The following CLPTM1 variants were observed in gnomAD, a reference collection of about 807,000 sequenced individuals.
CLPTM1 encodes the protein CLPTM1 regulator of GABA type A receptor forward trafficking.
CLPTM1 carries 21 observed loss-of-function variants against 77.3 expected under a neutral mutation model. That is an observed-to-expected ratio of 0.27 (90% CI 0.19 to 0.39). CLPTM1 has a LOEUF of 0.39. CLPTM1 is among the 10% of genes least tolerant of loss of function. CLPTM1 has a pLI of 1.00. For synonymous variants in CLPTM1, 373 were observed against 381.0 expected (o/e 0.98, Z 0.24); for missense variants, 642 against 921.2 (o/e 0.70, Z 3.92).
chr19:44,985,222 C>G lies in CLPTM1; in HGVS notation c.591C>G (p.Ile197Met), dbSNP rs1970959271. The change falls in exon 6 of 14, where the codon ATC (isoleucine) becomes ATG (methionine). Residue 197 changes from isoleucine to methionine, a missense_variant. Around this residue, in one of 2 missense-constraint regions of CLPTM1, gnomAD observed 521 missense variants for 800.4 expected, o/e 0.65. Transcript: ENST00000337392. ...TTTCCCACCTCCCAACCACAGTGAT[C>G]AACAAATACAAGCGCAGACGATTTC... ...RLATVHMSRM[I>M]NKYKRRRFQK... 1.2e-6 allele frequency: 2 copies of G among 1,613,258 alleles called. No homozygotes were observed. Among genetic ancestry groups the G allele is most frequent in the African/African-American group, 1.3e-5 (1 of 74,880 alleles).
In CLPTM1 at chr19:44,992,581, G is replaced by A. The variant is rs201557502; in HGVS notation, c.1724-30G>A. The A allele has an allele frequency of 8.1e-6, 13 of 1,611,394 alleles. No individual in the cohort carries two copies. The highest frequency in any genetic ancestry group is 2.7e-5 in the African/African-American group (2 of 74,988). On this transcript the variant is annotated intron_variant, in intron 13 of 13. Transcript: ENST00000337392. The surrounding 1 kb of genome is among the most constrained non-coding windows in gnomAD (Gnocchi z 7.7). ...CACCTGGCTGTGGACGGGCCAGCCC[G>A]ACCTCACACTGCCTCCCACCCCTCT...
chr19:44,974,854 C>T (rs552402152), intron 4 of CLPTM1, among the ~76,000 whole-genome samples: 15 of 152,350 alleles, frequency 9.8e-5, no homozygotes, highest in African/African-American at 3.4e-4. Context: ...CAGTCCTCCA[C>T]TTTAAACTGG....
chr19:44,974,159 C>T (rs1396426337), intron 3 of CLPTM1, among the ~76,000 whole-genome samples: 3 of 152,038 alleles, frequency 2.0e-5, no homozygotes. Flanking sequence ...GGAGATCATT[C>T]AGGGAGCTCC....
In CLPTM1 at chr19:44,992,989, G is replaced by A. The variant is rs1187706781; in HGVS notation, c.*92G>A. The A allele has an allele frequency of 2.7e-6, 4 of 1,468,052 alleles. No individual in the cohort carries two copies. In the South Asian group the frequency reaches 3.6e-5, roughly 13 times the overall value. The allele number at this position is 1,468,052 out of a possible 1,614,324, so 90.9% of individuals were successfully genotyped here. A position where few individuals can be genotyped will look rare whatever the true frequency, so the allele number is the denominator to read the frequency against. On this transcript the variant is annotated 3_prime_UTR_variant, in exon 14 of 14. Transcript: ENST00000337392. This position sits in a 1 kb window ranked among gnomAD's most constrained non-coding sequence, Gnocchi z 7.7. ...TCCCCTCCCTGTCGCCCTTTCCCTGGACAGATCAGGCCGGGGCGGTGGGAG... is the reference window on the plus strand; with the variant it reads ...TCCCCTCCCTGTCGCCCTTTCCCTGAACAGATCAGGCCGGGGCGGTGGGAG...
rs575724340 is a variant in CLPTM1, at chr19:44,991,892, GAGACCCTGTCTCAAAAAACAAA to G, written c.1556-335_1556-314del. ...TGCACTCCAGCCTGGGTGACAGAGT[GAGACCCTGTCTCAAAAAACAAA>G]AGACCGGGTGAATCACAGCCAATAG... On this transcript the variant is annotated intron_variant, in intron 12 of 13. Transcript: ENST00000337392. This position sits in a 1 kb window ranked among gnomAD's most constrained non-coding sequence, Gnocchi z 5.4. Among the ~76,000 whole-genome samples, 738 of 152,194 alleles carry G rather than the reference GAGACCCTGTCTCAAAAAACAAA, an allele frequency of 4.8e-3. 3 individuals are homozygous for G. The highest frequency in any genetic ancestry group is 7.7e-3 in the Non-Finnish European group (522 of 68,004).
intron 1 of CLPTM1, among the ~76,000 whole-genome samples, chr19:44,958,353 C>T (rs1258186729): frequency 6.6e-6 from 1 of 150,532 alleles, no homozygotes; most frequent in Non-Finnish European, 1.5e-5. Flanking sequence ...TTGGCCTTTA[C>T]TCTGAGGGAA....
At chr19:44,965,817 A>C (rs1422327655) in intron 2 of CLPTM1, among the ~76,000 whole-genome samples, 2 of 152,254 alleles carry the variant, frequency 1.3e-5, no homozygotes, top group African/African-American at 4.8e-5. Flanking sequence ...GTCTCAAAAA[A>C]TAAAACAAAA....
At chr19:44,977,297 C>A in intron 4 of CLPTM1, 46 bp from the exon 5 acceptor site, 2 of 1,411,596 alleles carry the variant, frequency 1.4e-6, no homozygotes, top group Non-Finnish European at 2.0e-6. Flanking sequence ...ACGTTTCCCT[C>A]ACCCCAGTTG....
chr19:44,978,544 G>T (rs1022775579), intron 5 of CLPTM1, among the ~76,000 whole-genome samples: 2 of 150,764 alleles, frequency 1.3e-5, no homozygotes, highest in African/African-American at 4.9e-5. Context: ...GAGGTGGGAG[G>T]ATCGCTTGAA....
At chr19:44,968,633 C>G (rs964781669) in intron 2 of CLPTM1, among the ~76,000 whole-genome samples, 1 of 80 alleles carries the variant, frequency 0.013, no homozygotes, top group African/African-American at 0.045. Flanking sequence ...TGTGGATACA[C>G]ACAGGACGTT....
At position 44,987,751 on chromosome 19, in the gene CLPTM1, G is replaced by C. The variant is rs546904164; in HGVS notation, c.1038+328G>C. 1.0e-4 allele frequency: 57 copies of C among 547,488 alleles called. No homozygotes were observed. In the Admixed American group the frequency reaches 1.5e-3, roughly 15 times the overall value. 33.9% of individuals were successfully genotyped at this position (547,488 alleles called of 1,614,324 possible). A position where few individuals can be genotyped will look rare whatever the true frequency, so the allele number is the denominator to read the frequency against. On this transcript the variant is annotated intron_variant, in intron 8 of 13. Transcript: ENST00000337392. ...CATCTCACTGGGTCCTGAAATGTCAGCCTGTGTCTGTGGCGTGAGGCTCGG... is the reference window on the plus strand; with the variant it reads ...CATCTCACTGGGTCCTGAAATGTCACCCTGTGTCTGTGGCGTGAGGCTCGG...
At chr19:44,954,846 A>C, upstream of CLPTM1, 1 of 1,195,976 alleles carries the variant, frequency 8.4e-7, no homozygotes, top group Non-Finnish European at 1.1e-6. Flanking sequence ...ATATGAGCTC[A>C]GGAGACTTGA....
chr19:44,982,290 A>C (rs1970908941), intron 5 of CLPTM1, among the ~76,000 whole-genome samples: 3 of 151,954 alleles, frequency 2.0e-5, no homozygotes. Context: ...CAGAGGTTGC[A>C]GTGAGCTGAA....
chr19:44,990,666 GCC>G lies in CLPTM1; in HGVS notation c.1323+85_1323+86del. The G allele has an allele frequency of 6.7e-7, 1 of 1,497,466 alleles. No homozygotes were observed. 92.8% of individuals were successfully genotyped at this position (1,497,466 alleles called of 1,614,324 possible). A position where few individuals can be genotyped will look rare whatever the true frequency, so the allele number is the denominator to read the frequency against. On this transcript the variant is annotated intron_variant, in intron 10 of 13. Transcript: ENST00000337392. The surrounding 1 kb of genome is among the most constrained non-coding windows in gnomAD (Gnocchi z 4.8). ...GTGGCCCAGCTGGACCCTGGAGCTG[GCC>G]CCCGGGGGATTCCCAGCAAGTGCCT...
chr19:44,961,332 G>A (rs1482830218), intron 1 of CLPTM1, among the ~76,000 whole-genome samples: 1 of 152,180 alleles, frequency 6.6e-6, no homozygotes, highest in African/African-American at 2.4e-5. Context: ...GCCACAGAGG[G>A]GGCCTCAGGA....
At position 44,990,546 on chromosome 19, in the gene CLPTM1, C is replaced by T. The variant is rs875254; in HGVS notation, c.1284C>T (p.Leu428=). 3,575 of 1,614,034 alleles carry T rather than the reference C, an allele frequency of 2.2e-3. 62 individuals carry two copies. In the African/African-American group the frequency reaches 0.04, roughly 18 times the overall value. ...AGGTCAGCGTCTTCATTGGGGTCCT[C>T]ATCGACCTCTGGAAGATCACCAAGG... The part of the protein sequence containing the change: ...VVQVSVFIGV[L]IDLWKITKVM... The change falls in exon 10 of 14, where the codon CTC becomes CTT. Residue 428 remains leucine (L), a synonymous_variant. Coordinates refer to ENST00000337392, the MANE Select transcript of CLPTM1 (RefSeq NM_001294.4). This position sits in a 1 kb window ranked among gnomAD's most constrained non-coding sequence, Gnocchi z 4.8.
At chr19:44,986,391 A>G (rs1035829574) in intron 6 of CLPTM1, 64 bp from the exon 7 acceptor site, 3 of 1,585,326 alleles carry the variant, frequency 1.9e-6, no homozygotes, top group Admixed American at 3.6e-5. Flanking sequence ...GGAAGTGTAC[A>G]GAGAGTGATA....
At chr19:44,957,270 CCCTT>C (rs1315534501) in intron 1 of CLPTM1, among the ~76,000 whole-genome samples, 7 of 151,666 alleles carry the variant, frequency 4.6e-5, no homozygotes, top group Admixed American at 2.0e-4. Context: ...TTTCAGATGT[CCCTT>C]CCTGCAGAAA....
chr19:44,985,671 C>T (rs796135412), intron 6 of CLPTM1, among the ~76,000 whole-genome samples: 2 of 152,212 alleles, frequency 1.3e-5, no homozygotes, highest in Non-Finnish European at 2.9e-5. Flanking sequence ...TCCAAGCACA[C>T]ACACGAGAAT....
Sources: allele counts gnomAD v4.1 joint callset (sites outside exome capture counted in the v4.1 genomes callset), GRCh38; gene constraint gnomAD v4.1.1; regional missense constraint gnomAD v4.1.1; non-coding constraint Gnocchi (gnomAD v3.1); transcripts MANE v1.5; gene names NCBI Gene and HGNC (gene_info 2026-07-23, HGNC 2026-07-21).